The following FNIP1 variants were observed in gnomAD, a reference collection of about 807,000 sequenced individuals.
The protein encoded by FNIP1 is folliculin interacting protein 1, also known as folliculin-interacting protein 1.
Under a neutral mutation model 124.5 loss-of-function variants are expected in FNIP1, and 40 were observed. The ratio of observed to expected loss-of-function variants is 0.32; its 90% CI spans 0.25 to 0.42. The LOEUF is 0.42. FNIP1 is among the 10% of genes least tolerant of loss of function. The pLI, the probability that FNIP1 is intolerant of heterozygous loss-of-function variation, is 1.00. For synonymous variants in FNIP1, 472 were observed against 470.6 expected (o/e 1.00, Z -0.04); for missense variants, 1,176 against 1,403.7 (o/e 0.84, Z 2.59).
chr5:131,749,400 T>C (rs2149564162), intron 1 of FNIP1, among the ~76,000 whole-genome samples: 1 of 150,774 alleles, frequency 6.6e-6, no homozygotes, highest in East Asian at 1.9e-4. Flanking sequence ...ATCTTTTTTT[T>C]TTTTTTTTTT....
At position 131,670,582 on chromosome 5, in the gene FNIP1, C is replaced by T. The variant is rs1273293470; in HGVS notation, c.2989G>A (p.Gly997Arg). Residue 997 changes from glycine to arginine, a missense_variant, in exon 15 of 18, where the codon GGG becomes AGG. Gly to Arg is a moderately radical substitution (Grantham distance 125). Around this residue, in one of 2 missense-constraint regions of FNIP1, gnomAD observed 1,109 missense variants for 1,288.5 expected, o/e 0.86. Transcript: ENST00000510461. The stretch of plus-strand genomic sequence containing the variant: ...CAGTAGCCACCCAGCAAGGACCTCC[C>T]GAAGTTGGCAATGTTGGGCTGAACA... ...SAVQPNIANF[G>R]RSLLGGYCSS... 6.2e-7 allele frequency: 1 copy of T among 1,613,498 alleles called. No homozygotes were observed.
chr5:131,764,225 T>C (rs1223101495), intron 1 of FNIP1, among the ~76,000 whole-genome samples: 1 of 152,078 alleles, frequency 6.6e-6, no homozygotes, highest in Non-Finnish European at 1.5e-5. Flanking sequence ...TACAGAACCA[T>C]GAGCCAATTA....
intron 3 of FNIP1, among the ~76,000 whole-genome samples, chr5:131,720,959 C>T (rs1769640074): frequency 6.6e-6 from 1 of 152,214 alleles, no homozygotes; most frequent in Non-Finnish European, 1.5e-5. Context: ...ACCATGTGAT[C>T]TGGCAATTCC....
rs756786251 is a variant in FNIP1, at chr5:131,672,106, G to A, written c.2338C>T (p.His780Tyr). ...QAVVDQITRHHTKPLKEERGA... is the reference protein window; with the variant it reads ...QAVVDQITRHYTKPLKEERGA... The stretch of plus-strand genomic sequence containing the variant: ...CTTTCTTCCTTCAATGGTTTGGTGT[G>A]ATGTCTGGTAATCTGATCCACCACT... The change falls in exon 14 of 18, where the codon CAC (histidine) becomes TAC (tyrosine). Residue 780 changes from histidine (H) to tyrosine (Y), a missense_variant. Coordinates refer to ENST00000510461, the MANE Select transcript of FNIP1 (RefSeq NM_133372.3). The A allele has an allele frequency of 1.9e-6, 3 of 1,614,156 alleles. No homozygotes were observed. The East Asian group carries it at 6.7e-5, about 36-fold the overall frequency.
intron 1 of FNIP1, chr5:131,795,494 G>A (rs1403795088): frequency 6.6e-6 from 1 of 152,068 alleles, no homozygotes; most frequent in African/African-American, 2.4e-5. Context: ...TATCCTATCG[G>A]AACCTGTTTC....
intron 3 of FNIP1, among the ~76,000 whole-genome samples, chr5:131,729,450 C>A (rs909217817): frequency 2.6e-5 from 4 of 152,230 alleles, no homozygotes; most frequent in African/African-American, 9.6e-5. Flanking sequence ...GAGCTCCGCC[C>A]AGTTCTAACT....
intron 1 of FNIP1, among the ~76,000 whole-genome samples, chr5:131,791,720 A>T (rs1490422142): frequency 2.6e-5 from 4 of 152,180 alleles, no homozygotes; most frequent in Admixed American, 2.6e-4. Flanking sequence ...CAATATACAG[A>T]CTCTTAAGAC....
chr5:131,760,642 G>A (rs1771195774), intron 1 of FNIP1, among the ~76,000 whole-genome samples: 3 of 152,008 alleles, frequency 2.0e-5, no homozygotes, highest in Non-Finnish European at 4.4e-5. Context: ...TATGTGTCTT[G>A]AACTATGTTA....
chr5:131,745,035 CATA>C (rs1480052219), intron 1 of FNIP1, among the ~76,000 whole-genome samples: 1 of 151,084 alleles, frequency 6.6e-6, no homozygotes, highest in Non-Finnish European at 1.5e-5. Flanking sequence ...ACCAAGATGA[CATA>C]ATAAGGTTAA....
chr5:131,795,726 T>C (rs980809782), intron 1 of FNIP1: 31 of 152,238 alleles, frequency 2.0e-4, no homozygotes, highest in African/African-American at 5.5e-4. Flanking sequence ...AGAGAGTGAA[T>C]AATTTTAAGA....
At chr5:131,700,054 G>A (rs1416624229) in intron 10 of FNIP1, among the ~76,000 whole-genome samples, 1 of 150,710 alleles carries the variant, frequency 6.6e-6, no homozygotes, top group Non-Finnish European at 1.5e-5. Context: ...CACAATCTTG[G>A]CTCACTGCAA....
intron 1 of FNIP1, among the ~76,000 whole-genome samples, chr5:131,792,077 T>C (rs189904004): frequency 3.5e-4 from 53 of 152,322 alleles, no homozygotes; most frequent in African/African-American, 1.0e-3. Context: ...CTCTGAATCC[T>C]TAAAATAAAC....
intron 3 of FNIP1, among the ~76,000 whole-genome samples, chr5:131,729,167 A>G (rs188710098): frequency 4.9e-4 from 74 of 152,032 alleles, no homozygotes; most frequent in African/African-American, 1.7e-3. Flanking sequence ...GGGGTCAGGG[A>G]CCCACTTGAG....
intron 1 of FNIP1, among the ~76,000 whole-genome samples, chr5:131,759,315 A>G (rs1336357331): frequency 1.3e-5 from 2 of 152,174 alleles, no homozygotes; most frequent in Non-Finnish European, 2.9e-5. Flanking sequence ...AAAACAGACA[A>G]CCAACAGAAT....
At chr5:131,669,786 T>C (rs1369062957) in intron 15 of FNIP1, among the ~76,000 whole-genome samples, 1 of 152,014 alleles carries the variant, frequency 6.6e-6, no homozygotes, top group East Asian at 1.9e-4. Flanking sequence ...CACAAAAACC[T>C]TACAACTAAC....
chr5:131,651,963 A>G lies in FNIP1; in HGVS notation c.3145T>C (p.Cys1049Arg). The change falls in exon 16 of 18, where the codon TGT becomes CGT. Residue 1049 changes from cysteine to arginine, a missense_variant. Cys to Arg is a radical substitution (Grantham distance 180). Transcript: ENST00000510461. ...VLDEPIAEAVCIIADMDKWTV... is the reference protein window; with the variant it reads ...VLDEPIAEAVRIIADMDKWTV... ...CATTTATCCATGTCAGCTATAATAC[A>G]GACAGCTTCTGCTATTGGTTCATCC... 1 of 1,614,032 alleles carries G rather than the reference A, an allele frequency of 6.2e-7. No individual in the cohort carries two copies. The highest frequency in any genetic ancestry group is 8.5e-7 in the Non-Finnish European group (1 of 1,179,994).
At chr5:131,789,481 G>A (rs989560982) in intron 1 of FNIP1, among the ~76,000 whole-genome samples, 5 of 151,910 alleles carry the variant, frequency 3.3e-5, no homozygotes, top group African/African-American at 9.7e-5. Context: ...AAAATAACTC[G>A]GCACTACAGA....
Position 131,654,651 on chromosome 5 carries a change from T to C in FNIP1, c.3109-2652A>G, listed in dbSNP as rs114998104. ...GCTGGGAAGTAGAGGAGGGCAATCG[T>C]GGGATCTGTGTGATAGGGAGTTTCG... On this transcript the variant is annotated intron_variant, in intron 15 of 17. Coordinates refer to ENST00000510461, the MANE Select transcript of FNIP1 (RefSeq NM_133372.3). Among the ~76,000 whole-genome samples the C allele has an allele frequency of 5.2e-3, 784 of 152,232 alleles. 4 individuals are homozygous for C. The highest frequency in any genetic ancestry group is 0.017 in the African/African-American group (718 of 41,542).
intron 1 of FNIP1, among the ~76,000 whole-genome samples, chr5:131,763,547 A>G (rs1771310983): frequency 6.6e-6 from 1 of 152,078 alleles, no homozygotes; most frequent in African/African-American, 2.4e-5. Context: ...AGAAGGAGGC[A>G]CCTCATGGCG....
Sources: allele counts gnomAD v4.1 joint callset (sites outside exome capture counted in the v4.1 genomes callset), GRCh38; gene constraint gnomAD v4.1.1; regional missense constraint gnomAD v4.1.1; transcripts MANE v1.5; gene names NCBI Gene and HGNC (gene_info 2026-07-23, HGNC 2026-07-21).